The following TPRG1 variants were observed in gnomAD, a reference collection of about 807,000 sequenced individuals.
TPRG1 encodes the protein tumor protein p63-regulated gene 1 protein.
In TPRG1, 29 loss-of-function variants were observed where a neutral mutation model predicts 29.3. The observed-to-expected ratio is 0.99, with a 90% CI of 0.74 to 1.35. The LOEUF (loss-of-function observed/expected upper bound fraction) is 1.35. TPRG1 is among the 40% of genes most tolerant of loss of function. TPRG1 has a pLI of 0.00. For synonymous variants in TPRG1, 130 were observed against 116.8 expected (o/e 1.11, Z -0.73); for missense variants, 327 against 335.0 (o/e 0.98, Z 0.19).
intron 4 of TPRG1, among the ~76,000 whole-genome samples, chr3:189,290,748 A>G (rs1474450187): frequency 6.6e-6 from 1 of 152,210 alleles, no homozygotes; most frequent in Non-Finnish European, 1.5e-5. Flanking sequence ...TGTGTTTTGA[A>G]TGATGCAGGC....
At chr3:189,163,981 AC>A (rs2108639059) in intron 5 of TPRG1, among the ~76,000 whole-genome samples, 1 of 144,528 alleles carries the variant, frequency 6.9e-6, no homozygotes, top group East Asian at 2.0e-4. Flanking sequence ...AATAAGGTAA[AC>A]TTTTTGCATA....
chr3:189,074,815 C>CTT, intron 4 of TPRG1, among the ~76,000 whole-genome samples: 1 of 147,808 alleles, frequency 6.8e-6, no homozygotes, highest in South Asian at 2.1e-4. Context: ...GTCAGCCTAC[C>CTT]TTTTTTTTTT....
intron 4 of TPRG1, among the ~76,000 whole-genome samples, chr3:189,072,913 T>C (rs1716896168): frequency 6.6e-6 from 1 of 152,212 alleles, no homozygotes; most frequent in African/African-American, 2.4e-5. Context: ...GATATCAAAG[T>C]GGGAGCCCCT....
At chr3:189,069,926 A>G (rs553225012) in intron 4 of TPRG1, among the ~76,000 whole-genome samples, 1 of 152,062 alleles carries the variant, frequency 6.6e-6, no homozygotes, top group Non-Finnish European at 1.5e-5. Flanking sequence ...AAAAACACAA[A>G]AATTAGCTGG....
At chr3:189,153,487 AGG>A (rs1726233037) in intron 5 of TPRG1, among the ~76,000 whole-genome samples, 2 of 152,082 alleles carry the variant, frequency 1.3e-5, no homozygotes, top group African/African-American at 4.8e-5. Flanking sequence ...ATCTGAGGCA[AGG>A]TATCTTGGAT....
intron 4 of TPRG1, among the ~76,000 whole-genome samples, chr3:189,263,123 C>A (rs1282767421): frequency 1.3e-5 from 2 of 152,224 alleles, no homozygotes; most frequent in Non-Finnish European, 2.9e-5. Context: ...GGAGGCTCTT[C>A]CAGAAGGGCA....
At chr3:189,307,464 G>A (rs771297915) in intron 4 of TPRG1, among the ~76,000 whole-genome samples, 7 of 152,198 alleles carry the variant, frequency 4.6e-5, no homozygotes, top group Non-Finnish European at 8.8e-5. Flanking sequence ...TTGAGACAGA[G>A]GTTTTCTTCT....
chr3:189,254,102 A>G (rs1161490195), intron 4 of TPRG1, among the ~76,000 whole-genome samples: 2 of 152,182 alleles, frequency 1.3e-5, no homozygotes, highest in African/African-American at 2.4e-5. Context: ...GCCCATGCCT[A>G]TGTCCTGAAT....
At chr3:189,175,341 T>A (rs1354643217) in intron 1 of TPRG1, among the ~76,000 whole-genome samples, 1 of 152,152 alleles carries the variant, frequency 6.6e-6, no homozygotes, top group African/African-American at 2.4e-5. Flanking sequence ...AAGTCAATAC[T>A]ATTTGAAGTA....
chr3:189,188,926 T>G (rs1731311003), intron 1 of TPRG1, among the ~76,000 whole-genome samples: 1 of 152,218 alleles, frequency 6.6e-6, no homozygotes, highest in South Asian at 2.1e-4. Context: ...TTTCATCTTC[T>G]CCTGACTTTT....
chr3:189,314,951 CTT>C (rs1480553520), intron 5 of TPRG1, among the ~76,000 whole-genome samples: 1 of 152,042 alleles, frequency 6.6e-6, no homozygotes, highest in Non-Finnish European at 1.5e-5. Context: ...AAGACCATGT[CTT>C]TAAAAAAACT....
chr3:189,018,258 G>T (rs375065658), intron 3 of TPRG1, among the ~76,000 whole-genome samples: 4,092 of 143,374 alleles, frequency 0.029, 89 homozygotes, highest in East Asian at 0.086. Flanking sequence ...GTCAATTTTG[G>T]CTTTTGTTGC....
At chr3:189,005,694 A>C (rs776427363) in intron 3 of TPRG1, among the ~76,000 whole-genome samples, 1 of 152,102 alleles carries the variant, frequency 6.6e-6, no homozygotes, top group South Asian at 2.1e-4. Context: ...TGAGTTGAGA[A>C]GGAAATTCCC....
At chr3:189,319,496 A>G (rs1045271667) in intron 5 of TPRG1, among the ~76,000 whole-genome samples, 3 of 151,998 alleles carry the variant, frequency 2.0e-5, no homozygotes, top group East Asian at 1.9e-4. Flanking sequence ...CCTAAATTCA[A>G]TCACACCAAC....
intron 1 of TPRG1, among the ~76,000 whole-genome samples, chr3:189,201,442 C>T (rs956208744): frequency 2.6e-5 from 4 of 152,016 alleles, no homozygotes; most frequent in Admixed American, 6.6e-5. Context: ...GCAGCTGGTC[C>T]GGTAGGCAGA....
intron 3 of TPRG1, among the ~76,000 whole-genome samples, chr3:189,015,473 G>A (rs551616596): frequency 2.0e-4 from 31 of 152,336 alleles, no homozygotes; most frequent in African/African-American, 6.7e-4. Flanking sequence ...GCTGCTTGCA[G>A]AAATTTGCAT....
chr3:189,053,134 C>T (rs1000317546), intron 4 of TPRG1, among the ~76,000 whole-genome samples: 8 of 152,208 alleles, frequency 5.3e-5, no homozygotes, highest in African/African-American at 1.9e-4. Flanking sequence ...ATTATCTTAG[C>T]TAAATCTTCT....
chr3:189,150,687 A>C (rs1725834680), exon 5 of TPRG1: 1 of 152,196 alleles, frequency 6.6e-6, no homozygotes, highest in South Asian at 2.1e-4. Context: ...CACTGAAGAC[A>C]TTTGGGACCT....
At chr3:189,123,160 G>A (rs1722032772) in intron 1 of TPRG1, among the ~76,000 whole-genome samples, 1 of 152,124 alleles carries the variant, frequency 6.6e-6, no homozygotes, top group African/African-American at 2.4e-5. Flanking sequence ...AAGAGAAATA[G>A]CCCCTTTAAA....
Sources: allele counts gnomAD v4.1 joint callset (sites outside exome capture counted in the v4.1 genomes callset), GRCh38; gene constraint gnomAD v4.1.1; transcripts MANE v1.5; gene names NCBI Gene and HGNC (gene_info 2026-07-23, HGNC 2026-07-21).